The following SH3BGR variants were observed in gnomAD, a reference collection of about 807,000 sequenced individuals.
SH3BGR encodes SH3 domain binding glutamate rich protein.
A neutral mutation model predicts 24.5 loss-of-function variants in SH3BGR; 29 were observed. The ratio of observed to expected loss-of-function variants is 1.18; its 90% CI spans 0.88 to 1.61. The LOEUF (loss-of-function observed/expected upper bound fraction) is 1.61. Ranked by LOEUF, SH3BGR falls within the 40% of genes most tolerant of loss-of-function variation. The pLI is 0.00. For synonymous variants in SH3BGR, 55 were observed against 65.7 expected, an observed-to-expected ratio of 0.84 and a Z score of 0.79; for missense variants, 162 against 205.8, an observed-to-expected ratio of 0.79 and a Z score of 1.30.
upstream of SH3BGR, among the ~76,000 whole-genome samples, chr21:39,449,657 A>G (rs983325966): frequency 6.6e-6 from 1 of 152,222 alleles, no homozygotes; most frequent in Admixed American, 6.5e-5. Flanking sequence ...AAAAAAATTC[A>G]TAGTGAAAAG....
intron 4 of SH3BGR, among the ~76,000 whole-genome samples, chr21:39,505,398 C>T (rs529493867): frequency 1.2e-3 from 177 of 152,324 alleles, no homozygotes; most frequent in African/African-American, 4.1e-3. Flanking sequence ...TGAGCAATCA[C>T]TTCCCCTGAG....
chr21:39,488,262 G>T, intron 3 of SH3BGR: 1 of 161,568 alleles, frequency 6.2e-6, no homozygotes, highest in Non-Finnish European at 1.4e-5. Context: ...AGGCTTCTGA[G>T]CAGTCATTCT....
upstream of SH3BGR, among the ~76,000 whole-genome samples, chr21:39,449,229 GAC>G (rs764142997): frequency 3.3e-5 from 5 of 152,188 alleles, no homozygotes; most frequent in Non-Finnish European, 7.3e-5. Flanking sequence ...GACTCTGTAA[GAC>G]ACAGATACCA....
upstream of SH3BGR, among the ~76,000 whole-genome samples, chr21:39,448,607 G>A (rs2077537875): frequency 6.6e-6 from 1 of 152,152 alleles, no homozygotes; most frequent in Admixed American, 6.5e-5. Context: ...GGAGATGAAT[G>A]TGGGAGGTGG....
At chr21:39,454,329 T>C (rs2077620534) in intron 1 of SH3BGR, among the ~76,000 whole-genome samples, 1 of 152,232 alleles carries the variant, frequency 6.6e-6, no homozygotes, top group Non-Finnish European at 1.5e-5. Flanking sequence ...AAGGGCATTC[T>C]GACTTCTGTT....
At chr21:39,454,614 C>T (rs998494388) in intron 1 of SH3BGR, among the ~76,000 whole-genome samples, 4 of 152,218 alleles carry the variant, frequency 2.6e-5, no homozygotes, top group African/African-American at 9.6e-5. Context: ...CCAAGATGCA[C>T]AGCCCCTGGA....
At chr21:39,469,045 T>C (rs1328680839) in intron 2 of SH3BGR, among the ~76,000 whole-genome samples, 1 of 151,632 alleles carries the variant, frequency 6.6e-6, no homozygotes, top group Non-Finnish European at 1.5e-5. Flanking sequence ...GGTCTTTGTC[T>C]GTTGCCCAGG....
At chr21:39,484,705 AG>A (rs1355573839) in intron 3 of SH3BGR, among the ~76,000 whole-genome samples, 1 of 152,196 alleles carries the variant, frequency 6.6e-6, no homozygotes, top group Non-Finnish European at 1.5e-5. Context: ...ATGAAGCCCA[AG>A]GAGCTTAAGT....
chr21:39,475,195 GCTCCTC>G lies in SH3BGR; in HGVS notation c.297_302del (p.Pro100_Pro101del), dbSNP rs1418805866. 6.2e-7 allele frequency: 1 copy of G among 1,610,214 alleles called. No individual in the cohort carries two copies. Among genetic ancestry groups the G allele is most frequent in the Non-Finnish European group, 8.5e-7 (1 of 1,176,888 alleles). ...TATTATTTATTCCTTCCTTGGTTTG[GCTCCTC>G]CTCCAGACTCAAAGGTAAGTTTGAA... On this transcript the variant is annotated inframe_deletion, in exon 3 of 7. Coordinates refer to ENST00000333634, the MANE Select transcript of SH3BGR (RefSeq NM_007341.3).
chr21:39,511,993 G>A lies in SH3BGR; in HGVS notation c.*34+184G>A, dbSNP rs1714631391. On this transcript the variant is annotated intron_variant, in intron 6 of 6. Coordinates refer to ENST00000333634, the MANE Select transcript of SH3BGR (RefSeq NM_007341.3). This position sits in a 1 kb window ranked among gnomAD's most constrained non-coding sequence, Gnocchi z 4.2. ...TCCTTTCTAGAGCTGCGGGGCTGCTGACCTTTCGTGGGTCTGTTTCTTGCA... is the reference window on the plus strand; with the variant it reads ...TCCTTTCTAGAGCTGCGGGGCTGCTAACCTTTCGTGGGTCTGTTTCTTGCA... 6.6e-6 allele frequency among the ~76,000 whole-genome samples: 1 copy of A among 152,186 alleles called. No homozygotes were observed. The highest frequency in any genetic ancestry group is 6.5e-5 in the Admixed American group (1 of 15,280).
chr21:39,485,726 C>T (rs1413079699), intron 3 of SH3BGR, among the ~76,000 whole-genome samples: 36 of 143,246 alleles, frequency 2.5e-4, no homozygotes, highest in South Asian at 6.6e-4. Context: ...CTCGCTCTGT[C>T]GCCCAGGCTG....
At chr21:39,499,676 C>T (rs2078459834) in intron 3 of SH3BGR, 147 bp from the exon 4 acceptor site, 7 of 571,992 alleles carry the variant, frequency 1.2e-5, no homozygotes, top group African/African-American at 1.9e-5. Flanking sequence ...ATGCTCTAGT[C>T]GCTAAGTGAC....
chr21:39,513,776 A>G (rs1253734412), intron 6 of SH3BGR, among the ~76,000 whole-genome samples: 4 of 152,212 alleles, frequency 2.6e-5, no homozygotes, highest in Non-Finnish European at 5.9e-5. Flanking sequence ...TCCTCATACC[A>G]GAAACAAAAC....
intron 1 of SH3BGR, among the ~76,000 whole-genome samples, chr21:39,446,495 C>T (rs1020488757): frequency 3.3e-5 from 5 of 152,190 alleles, no homozygotes; most frequent in Non-Finnish European, 7.3e-5. Flanking sequence ...CACTTTGAGG[C>T]TTTCTAAAGG....
At position 39,510,909 on chromosome 21, in the gene SH3BGR, CTATATATATATATATATATATA is replaced by C. The variant is rs61692072; in HGVS notation, c.436-754_436-733del. Reference sequence around the variant, plus strand: ...TTCTTTTTGTATTTGATTCTTCTAACTATATATATATATATATATATATATATATATATATATACTTTCTGAA... The same window carrying C: ...TTCTTTTTGTATTTGATTCTTCTAACTATATATATATATATACTTTCTGAA... On this transcript the variant is annotated intron_variant, in intron 5 of 6. Coordinates refer to ENST00000333634, the MANE Select transcript of SH3BGR (RefSeq NM_007341.3). 1.4e-3 allele frequency among the ~76,000 whole-genome samples: 89 copies of C among 65,864 alleles called. 2 individuals are homozygous for C. The East Asian group carries it at 0.041, about 30-fold the overall frequency. 43.2% of individuals were successfully genotyped at this position (65,864 alleles called of 152,430 possible).
At position 39,451,977 on chromosome 21, in the gene SH3BGR, C is replaced by T. The variant is rs190564988; in HGVS notation, c.-120C>T. On this transcript the variant is annotated 5_prime_UTR_variant, in exon 1 of 7. Coordinates refer to ENST00000333634, the MANE Select transcript of SH3BGR (RefSeq NM_007341.3). ...GCGGGACTGCCGGAGCCCAGTGGAC[C>T]CCTGGGCTGCTGCCAGCCCCGACCT... 23 of 1,614,158 alleles carry T rather than the reference C, an allele frequency of 1.4e-5. No homozygotes were observed. In the Admixed American group the frequency reaches 2.0e-4, roughly 14 times the overall value.
chr21:39,493,099 C>T (rs887987909), intron 3 of SH3BGR, among the ~76,000 whole-genome samples: 5 of 152,062 alleles, frequency 3.3e-5, no homozygotes, highest in Non-Finnish European at 2.9e-5. Flanking sequence ...TTCCTTTTGC[C>T]GTGCAAAAGC....
chr21:39,511,659 T>C lies in SH3BGR; in HGVS notation c.436-21T>C, dbSNP rs890920183. On this transcript the variant is annotated intron_variant, in intron 5 of 6. Coordinates refer to ENST00000333634, the MANE Select transcript of SH3BGR (RefSeq NM_007341.3). The surrounding 1 kb of genome is among the most constrained non-coding windows in gnomAD (Gnocchi z 4.2). ...TGGCCCTTATGCTTCTTAATACTAATGTAAGTTTTGTTAAAATAAGACGGA... is the reference window on the plus strand; with the variant it reads ...TGGCCCTTATGCTTCTTAATACTAACGTAAGTTTTGTTAAAATAAGACGGA... The C allele has an allele frequency of 1.2e-6, 2 of 1,606,972 alleles. No individual in the cohort carries two copies. Among genetic ancestry groups the C allele is most frequent in the Admixed American group, 1.7e-5 (1 of 58,362 alleles).
intron 3 of SH3BGR, among the ~76,000 whole-genome samples, chr21:39,492,479 T>TACAC (rs1555913467): frequency 2.9e-5 from 2 of 67,810 alleles, no homozygotes; most frequent in African/African-American, 6.0e-5. Context: ...TATATATATA[T>TACAC]ATACACACAC....
Sources: gnomAD v4.1 joint callset for allele counts (sites outside exome capture counted in the v4.1 genomes callset) on GRCh38, gnomAD v4.1.1 for gene constraint, Gnocchi (gnomAD v3.1) non-coding constraint, MANE v1.5 for transcripts, NCBI Gene and HGNC (gene_info 2026-07-23, HGNC 2026-07-21) for gene names.